Variants in SV2C observed in about 807,000 individuals in gnomAD.
The protein encoded by SV2C is solute carrier family 22 member B3.
In SV2C, 49 loss-of-function variants were observed where a neutral mutation model predicts 79.7. The observed-to-expected ratio is 0.61, with a 90% confidence interval of 0.49 to 0.78. SV2C has a LOEUF of 0.78. Ranked by LOEUF, SV2C falls within the 30% of genes least tolerant of loss-of-function variation. The pLI is 0.00. For missense variants in SV2C, 833 were observed against 912.9 expected, an observed-to-expected ratio of 0.91 and a Z score of 1.13; for synonymous variants, 334 against 333.2, an observed-to-expected ratio of 1.00 and a Z score of -0.03.
the SV2C span, chr5:75,910,942 C>G: frequency 1.1e-6 from 1 of 913,626 alleles, no homozygotes; most frequent in East Asian, 2.4e-5. Flanking sequence ...CAAGCAGCAG[C>G]AGGCTCTCTT....
At chr5:76,015,086 G>A in the SV2C span, among the ~76,000 whole-genome samples, 1 of 152,172 alleles carries the variant, frequency 6.6e-6, no homozygotes, top group Non-Finnish European at 1.5e-5. Flanking sequence ...GGCTAAGGCT[G>A]TGTAGAGAAA....
the SV2C span, among the ~76,000 whole-genome samples, chr5:75,931,708 C>A: frequency 1.3e-5 from 2 of 152,158 alleles, no homozygotes; most frequent in East Asian, 3.8e-4. Context: ...CAATATCCTA[C>A]AAAAGCCACT....
chr5:76,285,965 T>TA, intron 6 of SV2C, 95 bp downstream of exon 6: 1 of 1,167,702 alleles, frequency 8.6e-7, no homozygotes, highest in Admixed American at 2.2e-5. Flanking sequence ...TTGCAAGTCA[T>TA]ACGGTCTTTG....
the SV2C span, among the ~76,000 whole-genome samples, chr5:75,868,252 G>T: frequency 6.6e-6 from 1 of 152,206 alleles, no homozygotes; most frequent in African/African-American, 2.4e-5. Flanking sequence ...AAAGTGAAAA[G>T]ATTGGAGAAA....
chr5:76,353,199 C>A (rs771806618), exon 13 of SV2C: 2 of 409,504 alleles, frequency 4.9e-6, no homozygotes, highest in Non-Finnish European at 1.0e-5. Flanking sequence ...CCTGCCTCAG[C>A]CTCCCAAAGT....
the SV2C span, among the ~76,000 whole-genome samples, chr5:75,924,343 G>C: frequency 6.6e-6 from 1 of 151,814 alleles, no homozygotes; most frequent in Admixed American, 6.6e-5. Context: ...AAAATCTCAG[G>C]AATCACCACT....
At chr5:75,849,079 A>G in the SV2C span, among the ~76,000 whole-genome samples, 2 of 152,210 alleles carry the variant, frequency 1.3e-5, no homozygotes, top group African/African-American at 4.8e-5. Context: ...CGTATGCATG[A>G]AAGAAGTCTC....
rs148453393 is a variant in SV2C, at chr5:76,150,222, A to G, written c.580+17892A>G. 1.5e-3 allele frequency among the ~76,000 whole-genome samples: 225 copies of G among 148,346 alleles called. 1 individual carries two copies. Among genetic ancestry groups the G allele is most frequent in the African/African-American group, 5.3e-3 (211 of 39,872 alleles). On this transcript the variant is annotated intron_variant, in intron 2 of 12. Coordinates refer to ENST00000502798, the MANE Select transcript of SV2C (RefSeq NM_014979.4). ...TCTTTTTTTTTTTTTTTTGAGACAG[A>G]CTCTTGCTCTGTCTGCAGGCTGGTG...
chr5:75,979,960 T>C, the SV2C span, among the ~76,000 whole-genome samples: 1 of 152,110 alleles, frequency 6.6e-6, no homozygotes, highest in East Asian at 1.9e-4. Context: ...AAAAAATTAA[T>C]AATACATAGA....
chr5:76,218,542 G>C, intron 4 of SV2C, among the ~76,000 whole-genome samples: 1 of 152,162 alleles, frequency 6.6e-6, no homozygotes, highest in Non-Finnish European at 1.5e-5. Context: ...ACTCATAAGT[G>C]GGAGTTGAAC....
chr5:76,224,849 T>G (rs987142871), intron 4 of SV2C, among the ~76,000 whole-genome samples: 4 of 152,166 alleles, frequency 2.6e-5, no homozygotes, highest in African/African-American at 4.8e-5. Context: ...CCAAACTTTA[T>G]TTTTTTACAT....
At chr5:76,043,610 C>T in the SV2C span, among the ~76,000 whole-genome samples, 1 of 152,190 alleles carries the variant, frequency 6.6e-6, no homozygotes, top group Non-Finnish European at 1.5e-5. Context: ...CAAGTTAATG[C>T]ATATTTTGTT....
the SV2C span, among the ~76,000 whole-genome samples, chr5:75,946,014 A>C: frequency 7.6e-6 from 1 of 130,822 alleles, no homozygotes; most frequent in East Asian, 2.0e-4. Context: ...TTCCACATAC[A>C]TAAGTTAGAA....
chr5:76,141,578 C>G (rs1325396687), intron 2 of SV2C, among the ~76,000 whole-genome samples: 1 of 151,956 alleles, frequency 6.6e-6, no homozygotes, highest in Non-Finnish European at 1.5e-5. Context: ...AATCCCAGCC[C>G]TTTGGGAGGC....
chr5:75,902,055 C>T, the SV2C span, among the ~76,000 whole-genome samples: 1 of 152,194 alleles, frequency 6.6e-6, no homozygotes, highest in South Asian at 2.1e-4. Context: ...TGAGGCAATG[C>T]CTCACCCTGC....
At chr5:76,034,044 CTGTT>C in the SV2C span, among the ~76,000 whole-genome samples, 62,236 of 150,962 alleles carry the variant, frequency 0.41, 14,653 homozygotes, top group Middle Eastern at 0.58. Context: ...ATTTGGCTCT[CTGTT>C]TGTCTGTTTT....
chr5:76,335,290 C>G (rs1749289424), downstream of SV2C, among the ~76,000 whole-genome samples: 1 of 152,108 alleles, frequency 6.6e-6, no homozygotes, highest in Admixed American at 6.5e-5. Flanking sequence ...GTAGCAATTT[C>G]TTTCCCCCTT....
the SV2C span, among the ~76,000 whole-genome samples, chr5:75,934,302 C>CTTTTTTTTTT: frequency 0.012 from 1,322 of 107,666 alleles, 105 homozygotes; most frequent in African/African-American, 0.05. Context: ...TTCTTTCTTT[C>CTTTTTTTTTT]TTTTTTTTTT....
chr5:76,342,836 G>GTTTATTGCA (rs1749468250), intron 12 of SV2C, among the ~76,000 whole-genome samples: 1 of 151,390 alleles, frequency 6.6e-6, no homozygotes, highest in Non-Finnish European at 1.5e-5. Context: ...CATTTAATGT[G>GTTTATTGCA]TACAACATGG....
Sources: allele counts gnomAD v4.1 joint callset (sites outside exome capture counted in the v4.1 genomes callset), GRCh38; gene constraint gnomAD v4.1.1; transcripts MANE v1.5; gene names NCBI Gene and HGNC (gene_info 2026-07-23, HGNC 2026-07-21).